Variants in STPG2 observed in about 807,000 individuals in gnomAD.
The protein encoded by STPG2 is sperm tail PG-rich repeat containing 2, also known as sperm-tail PG-rich repeat-containing protein 2.
In STPG2, 56 loss-of-function variants were observed where a neutral mutation model predicts 54.2. The ratio of observed to expected loss-of-function variants is 1.03; its 90% confidence interval spans 0.83 to 1.29. The LOEUF (loss-of-function observed/expected upper bound fraction) is 1.29. Ranked by LOEUF, STPG2 falls within the 50% of genes most tolerant of loss-of-function variation. STPG2 has a pLI of 0.00. For synonymous variants in STPG2, 200 were observed against 181.8 expected (o/e 1.10, Z -0.81); for missense variants, 596 against 544.9 (o/e 1.09, Z -0.93).
chr4:97,654,952 T>A (rs1022773874), intron 10 of STPG2, among the ~76,000 whole-genome samples: 1 of 152,108 alleles, frequency 6.6e-6, no homozygotes, highest in Non-Finnish European at 1.5e-5. Flanking sequence ...ACAAACAGCA[T>A]ATTCAGTATG....
At chr4:97,909,482 CAAA>C (rs1425250467) in intron 8 of STPG2, among the ~76,000 whole-genome samples, 2 of 152,072 alleles carry the variant, frequency 1.3e-5, no homozygotes, top group African/African-American at 2.4e-5. Flanking sequence ...ACCATGACAT[CAAA>C]CCCTAACAAG....
At chr4:97,814,675 A>G (rs913473316) in intron 9 of STPG2, among the ~76,000 whole-genome samples, 6 of 152,088 alleles carry the variant, frequency 3.9e-5, no homozygotes, top group Admixed American at 1.3e-4. Flanking sequence ...AGGCAGACCC[A>G]GCCTTAATCT....
At chr4:97,515,805 T>C (rs572508660) in intron 4 of STPG2, among the ~76,000 whole-genome samples, 142 of 151,134 alleles carry the variant, frequency 9.4e-4, no homozygotes, top group Non-Finnish European at 1.7e-3. Context: ...CTTATGTGTG[T>C]ATGTGTGTGT....
At chr4:97,547,501 C>A (rs945111094) in intron 4 of STPG2, among the ~76,000 whole-genome samples, 3 of 152,144 alleles carry the variant, frequency 2.0e-5, no homozygotes, top group Non-Finnish European at 4.4e-5. Context: ...TGAGCCACCG[C>A]GCCCGGCCTT....
chr4:97,659,477 T>C (rs1471282934), intron 10 of STPG2, among the ~76,000 whole-genome samples: 1 of 152,256 alleles, frequency 6.6e-6, no homozygotes, highest in African/African-American at 2.4e-5. Flanking sequence ...AGTAGTCTTT[T>C]ATAAGATGAC....
In STPG2 at chr4:97,749,006, C is replaced by T. The variant is rs187766975; in HGVS notation, c.1205-36192G>A. On this transcript the variant is annotated intron_variant, in intron 9 of 10. Transcript: ENST00000295268. ...ATACACCCTGGGCTTTGGAGAAATC[C>T]GTTTTGGGTGTCTGTTCTCTAGGGA... 4.2e-3 allele frequency among the ~76,000 whole-genome samples: 638 copies of T among 151,572 alleles called. 3 individuals are homozygous for T. The highest frequency in any genetic ancestry group is 0.024 in the South Asian group (116 of 4,826).
At position 97,538,417 on chromosome 4, in the gene STPG2, C is replaced by T. The variant is rs188722080; in HGVS notation, c.462+174282G>A. On this transcript the variant is annotated intron_variant, in intron 4 of 4. Transcript: ENST00000522676. ...AATGCACAAGCTTCAGTAGCCAATT[C>T]GAACAACTGGAAGAAAGGATATCAG... 7.9e-5 allele frequency among the ~76,000 whole-genome samples: 12 copies of T among 152,094 alleles called. No homozygotes were observed. In the East Asian group the frequency reaches 1.2e-3, roughly 15 times the overall value.
At chr4:97,565,357 A>T (rs1320580348) in intron 10 of STPG2, among the ~76,000 whole-genome samples, 2 of 152,162 alleles carry the variant, frequency 1.3e-5, no homozygotes, top group Non-Finnish European at 2.9e-5. Flanking sequence ...CAAAGTTTTC[A>T]ACTTCTTTTC....
At chr4:97,888,180 G>A (rs772750038) in intron 8 of STPG2, among the ~76,000 whole-genome samples, 94 of 152,286 alleles carry the variant, frequency 6.2e-4, no homozygotes, top group Non-Finnish European at 1.1e-3. Context: ...TGGGGTTGGA[G>A]ACCCCAAACA....
At chr4:97,887,654 C>A (rs1461924255) in intron 8 of STPG2, among the ~76,000 whole-genome samples, 1 of 152,156 alleles carries the variant, frequency 6.6e-6, no homozygotes, top group Admixed American at 6.5e-5. Context: ...AAATTTGTAG[C>A]CTGCTCATGT....
At chr4:97,859,471 T>C (rs1470702810) in intron 8 of STPG2, among the ~76,000 whole-genome samples, 1 of 149,754 alleles carries the variant, frequency 6.7e-6, no homozygotes, top group African/African-American at 2.4e-5. Context: ...CTTTTCTTTT[T>C]TTTTTTTTTT....
At chr4:97,885,911 T>G (rs1327493751) in intron 8 of STPG2, among the ~76,000 whole-genome samples, 15 of 151,776 alleles carry the variant, frequency 9.9e-5, no homozygotes, top group Admixed American at 9.8e-4. Context: ...AAGAATAAAC[T>G]TAAAGAAACA....
intron 8 of STPG2, among the ~76,000 whole-genome samples, chr4:97,942,896 C>T (rs961320911): frequency 6.6e-6 from 1 of 152,138 alleles, no homozygotes; most frequent in Admixed American, 6.6e-5. Context: ...CCAATTTCTA[C>T]AAAAATGTAT....
chr4:97,882,134 G>A (rs1455610715), intron 8 of STPG2, among the ~76,000 whole-genome samples: 1 of 152,090 alleles, frequency 6.6e-6, no homozygotes, highest in Non-Finnish European at 1.5e-5. Flanking sequence ...ATTTTCAGTG[G>A]GTTGCTTAAG....
intron 5 of STPG2, among the ~76,000 whole-genome samples, chr4:98,020,764 G>C (rs1048704102): frequency 7.9e-5 from 12 of 152,174 alleles, no homozygotes; most frequent in African/African-American, 2.9e-4. Flanking sequence ...TATGTGTCCA[G>C]GAATTTATCC....
chr4:97,695,887 T>C (rs913211412), intron 10 of STPG2, among the ~76,000 whole-genome samples: 16 of 152,040 alleles, frequency 1.1e-4, no homozygotes, highest in Admixed American at 6.5e-5. Flanking sequence ...TCCATGCCCA[T>C]AGATACATAG....
At chr4:97,634,142 T>G (rs917996350) in intron 10 of STPG2, among the ~76,000 whole-genome samples, 26 of 152,248 alleles carry the variant, frequency 1.7e-4, no homozygotes, top group African/African-American at 6.3e-4. Flanking sequence ...CAGCTGGAGA[T>G]CTGAGAACGG....
chr4:97,802,508 T>C (rs1484273853), intron 9 of STPG2, among the ~76,000 whole-genome samples: 1 of 152,130 alleles, frequency 6.6e-6, no homozygotes, highest in African/African-American at 2.4e-5. Flanking sequence ...TTCACTCTGG[T>C]TGCCTGGGTT....
chr4:97,929,465 A>G (rs935217898), intron 8 of STPG2, among the ~76,000 whole-genome samples: 2 of 152,166 alleles, frequency 1.3e-5, no homozygotes, highest in Admixed American at 6.5e-5. Flanking sequence ...GTCTTCTACA[A>G]TGGTTGAACT....
Sources: allele counts gnomAD v4.1 joint callset (sites outside exome capture counted in the v4.1 genomes callset), GRCh38; gene constraint gnomAD v4.1.1; transcripts MANE v1.5; gene names NCBI Gene and HGNC (gene_info 2026-07-23, HGNC 2026-07-21).